The following KLHL8 variants were observed in gnomAD, a reference collection of about 807,000 sequenced individuals.
The protein encoded by KLHL8 is kelch like family member 8, also known as kelch-like protein 8.
KLHL8 carries 38 observed loss-of-function variants against 63.5 expected under a neutral mutation model. The observed-to-expected ratio is 0.60, with a 90% CI of 0.46 to 0.78. The LOEUF (loss-of-function observed/expected upper bound fraction) is 0.78. Ranked by LOEUF, KLHL8 falls within the 30% of genes least tolerant of loss-of-function variation. The pLI is 0.00. For synonymous variants in KLHL8, 224 were observed against 254.3 expected (o/e 0.88, Z 1.13); for missense variants, 566 against 752.4 (o/e 0.75, Z 2.90).
At chr4:87,194,075 C>T (rs1364944375) in intron 2 of KLHL8, among the ~76,000 whole-genome samples, 1 of 152,136 alleles carries the variant, frequency 6.6e-6, no homozygotes, top group East Asian at 1.9e-4. Flanking sequence ...TCTAAATGTC[C>T]TCCAAAATCA....
At chr4:87,204,696 C>G (rs1229614637) in intron 1 of KLHL8, among the ~76,000 whole-genome samples, 1 of 152,192 alleles carries the variant, frequency 6.6e-6, no homozygotes, top group African/African-American at 2.4e-5. Flanking sequence ...CTGAGTGAAA[C>G]AGGCCAGTCT....
At chr4:87,178,364 T>C (rs942029844) in intron 5 of KLHL8, 113 bp downstream of exon 5, 1 of 1,164,444 alleles carries the variant, frequency 8.6e-7, no homozygotes, top group Non-Finnish European at 1.2e-6. Context: ...GCATTTTATT[T>C]AAAAATAATT....
At chr4:87,230,696 A>G (rs1733120954) in intron 1 of KLHL8, among the ~76,000 whole-genome samples, 1 of 152,164 alleles carries the variant, frequency 6.6e-6, no homozygotes, top group African/African-American at 2.4e-5. Context: ...ACAGCTTAAG[A>G]GTTACAAATC....
intron 2 of KLHL8, among the ~76,000 whole-genome samples, chr4:87,193,757 T>C (rs1331152848): frequency 2.0e-5 from 3 of 152,212 alleles, no homozygotes; most frequent in African/African-American, 7.2e-5. Flanking sequence ...TGCTAGGACA[T>C]TATGATAGCT....
intron 8 of KLHL8, among the ~76,000 whole-genome samples, chr4:87,168,991 T>C (rs1428386678): frequency 6.7e-6 from 1 of 149,368 alleles, no homozygotes; most frequent in Non-Finnish European, 1.5e-5. Flanking sequence ...AATATAAACA[T>C]TGACATGACC....
chr4:87,193,654 T>G (rs1731579980), intron 2 of KLHL8, among the ~76,000 whole-genome samples: 1 of 152,220 alleles, frequency 6.6e-6, no homozygotes, highest in Non-Finnish European at 1.5e-5. Flanking sequence ...TATTAGGCAC[T>G]ATATATAACC....
chr4:87,191,217 C>T (rs1200619594), intron 2 of KLHL8, among the ~76,000 whole-genome samples: 1 of 152,072 alleles, frequency 6.6e-6, no homozygotes, highest in Admixed American at 6.6e-5. Context: ...GCCTGTAATC[C>T]CAGCAGTTTG....
intron 1 of KLHL8, among the ~76,000 whole-genome samples, chr4:87,226,739 T>TTATA: frequency 1.3e-4 from 1 of 7,752 alleles, no homozygotes; most frequent in African/African-American, 7.2e-4. Context: ...TATATATTAT[T>TTATA]TATATATAAT....
intron 1 of KLHL8, among the ~76,000 whole-genome samples, chr4:87,208,374 T>C (rs1732245858): frequency 1.3e-5 from 2 of 151,558 alleles, no homozygotes; most frequent in Non-Finnish European, 1.5e-5. Context: ...TTTTTCTTTT[T>C]TTTTTTTTTT....
chr4:87,211,074 T>A (rs1050207800), intron 1 of KLHL8, among the ~76,000 whole-genome samples: 1 of 152,208 alleles, frequency 6.6e-6, no homozygotes, highest in East Asian at 1.9e-4. Context: ...CTGCTATTAC[T>A]CCCATGTTCA....
chr4:87,224,391 C>G (rs6531962), upstream of KLHL8, among the ~76,000 whole-genome samples: 150,474 of 152,302 alleles, frequency 0.99, 74,336 homozygotes, highest in East Asian at 1. Context: ...TTAAAGGAGT[C>G]GGGGAGCAGG....
chr4:87,181,701 C>T (rs75977135), intron 4 of KLHL8, among the ~76,000 whole-genome samples: 1,745 of 152,158 alleles, frequency 0.011, 39 homozygotes, highest in African/African-American at 0.04. Flanking sequence ...TTAGTCTCCT[C>T]ATCCTTAAAA....
intron 1 of KLHL8, among the ~76,000 whole-genome samples, chr4:87,200,732 A>G (rs1445763715): frequency 6.6e-6 from 1 of 152,196 alleles, no homozygotes; most frequent in Non-Finnish European, 1.5e-5. Flanking sequence ...CAGTATGGAT[A>G]GTCCTCAAAA....
At chr4:87,168,384 G>T (rs1167703924) in intron 8 of KLHL8, among the ~76,000 whole-genome samples, 1 of 152,180 alleles carries the variant, frequency 6.6e-6, no homozygotes, top group Non-Finnish European at 1.5e-5. Context: ...AGCGCTTGGT[G>T]TTGGCCTTAA....
chr4:87,195,306 C>CA lies in KLHL8; in HGVS notation c.216+17dup, dbSNP rs760798808. ...ACACTGAAGAGGCCTGAGAAAAGTA[C>CA]AAAAAAGGCAATCTCACCTTGAGTG... On this transcript the variant is annotated intron_variant, in intron 2 of 9. Coordinates refer to ENST00000273963, the MANE Select transcript of KLHL8 (RefSeq NM_020803.5). The CA allele has an allele frequency of 7.5e-6, 12 of 1,604,212 alleles. No homozygotes were observed. Among genetic ancestry groups the CA allele is most frequent in the East Asian group, 6.7e-5 (3 of 44,768 alleles).
At chr4:87,180,634 T>C (rs571284186) in intron 4 of KLHL8, among the ~76,000 whole-genome samples, 1 of 152,314 alleles carries the variant, frequency 6.6e-6, no homozygotes, top group East Asian at 1.9e-4. Context: ...CCCAGAGCCT[T>C]TCACATGGTA....
intron 6 of KLHL8, among the ~76,000 whole-genome samples, chr4:87,173,076 C>T (rs1232738838): frequency 1.3e-5 from 2 of 152,190 alleles, no homozygotes; most frequent in African/African-American, 4.8e-5. Context: ...CATTGGACCA[C>T]TTTCATGCTC....
At chr4:87,207,470 C>G (rs1732178710) in intron 1 of KLHL8, 3 of 750,406 alleles carry the variant, frequency 4.0e-6, no homozygotes. Context: ...GTTGACGCCC[C>G]CATGTTAGTG....
chr4:87,220,560 C>G lies in KLHL8; in HGVS notation c.-294G>C, dbSNP rs1046718677. On this transcript the variant is annotated 5_prime_UTR_variant, in exon 1 of 10. Coordinates refer to ENST00000273963, the MANE Select transcript of KLHL8 (RefSeq NM_020803.5). ...ACGCGCGCTCTCCTGCGCGGCCCCGCGGAGCCCCGGCGGGCGCTTGGCGTC... is the reference window on the plus strand; with the variant it reads ...ACGCGCGCTCTCCTGCGCGGCCCCGGGGAGCCCCGGCGGGCGCTTGGCGTC... 1 of 152,070 alleles carries G rather than the reference C, an allele frequency of 6.6e-6. No individual in the cohort carries two copies. The highest frequency in any genetic ancestry group is 2.4e-5 in the African/African-American group (1 of 41,428). 9.4% of individuals were successfully genotyped at this position (152,070 alleles called of 1,614,324 possible).
Sources: gnomAD v4.1 joint callset for allele counts (sites outside exome capture counted in the v4.1 genomes callset) on GRCh38, gnomAD v4.1.1 for gene constraint, MANE v1.5 for transcripts, NCBI Gene and HGNC (gene_info 2026-07-23, HGNC 2026-07-21) for gene names.